Variants in FNBP1L observed in about 807,000 individuals in gnomAD.
The protein encoded by FNBP1L is formin-binding protein 1-like.
FNBP1L carries 36 observed loss-of-function variants against 91.2 expected under a neutral mutation model. The ratio of observed to expected loss-of-function variants is 0.39; its 90% confidence interval spans 0.30 to 0.52. The LOEUF is 0.52. FNBP1L is among the 20% of genes least tolerant of loss of function. The pLI is 0.66. For synonymous variants in FNBP1L, 242 were observed against 237.0 expected, an observed-to-expected ratio of 1.02 and a Z score of -0.19; for missense variants, 571 against 732.1, an observed-to-expected ratio of 0.78 and a Z score of 2.54.
chr1:93,537,790 C>CTGAGT (rs755564197), intron 10 of FNBP1L, among the ~76,000 whole-genome samples: 2 of 152,128 alleles, frequency 1.3e-5, no homozygotes, highest in Non-Finnish European at 2.9e-5. Flanking sequence ...TTTCTATTGC[C>CTGAGT]TGAGTTACAA....
chr1:93,538,454 G>A (rs1671917240), intron 10 of FNBP1L, among the ~76,000 whole-genome samples: 1 of 152,200 alleles, frequency 6.6e-6, no homozygotes, highest in East Asian at 1.9e-4. Context: ...TACCACTCCA[G>A]AGAAGAAAGC....
chr1:93,465,133 C>T (rs1310608552), intron 1 of FNBP1L, among the ~76,000 whole-genome samples: 3 of 149,092 alleles, frequency 2.0e-5, no homozygotes, highest in Non-Finnish European at 4.4e-5. Context: ...CTGTTTTGCT[C>T]TGAGAGAATG....
At chr1:93,507,780 C>A (rs181779485) in intron 2 of FNBP1L, among the ~76,000 whole-genome samples, 3 of 151,924 alleles carry the variant, frequency 2.0e-5, no homozygotes, top group African/African-American at 2.4e-5. Flanking sequence ...TCCCTAGTAG[C>A]GGGGATTATA....
chr1:93,498,830 A>G (rs755152240), intron 1 of FNBP1L, among the ~76,000 whole-genome samples: 1 of 152,170 alleles, frequency 6.6e-6, no homozygotes, highest in East Asian at 1.9e-4. Context: ...CCACAGTCCT[A>G]TTTAGGTGGG....
At chr1:93,536,859 T>TG (rs1387471781) in intron 10 of FNBP1L, among the ~76,000 whole-genome samples, 2 of 152,056 alleles carry the variant, frequency 1.3e-5, no homozygotes, top group African/African-American at 4.8e-5. Flanking sequence ...CACCTGCCAA[T>TG]TTTATAAAAT....
intron 2 of FNBP1L, among the ~76,000 whole-genome samples, chr1:93,513,916 C>G (rs1369941596): frequency 2.0e-5 from 3 of 152,090 alleles, no homozygotes; most frequent in African/African-American, 7.2e-5. Context: ...GAAGTTCTGG[C>G]CAGGGCAATT....
chr1:93,523,095 GTAT>G (rs1314570088), intron 3 of FNBP1L, among the ~76,000 whole-genome samples: 1 of 152,136 alleles, frequency 6.6e-6, no homozygotes, highest in Non-Finnish European at 1.5e-5. Context: ...CCTGCAGGTA[GTAT>G]TCTTATTATT....
chr1:93,472,673 G>A lies in FNBP1L; in HGVS notation c.24+24368G>A, dbSNP rs151315079. 9.3e-3 allele frequency among the ~76,000 whole-genome samples: 1,415 copies of A among 151,898 alleles called. 31 individuals carry two copies. Among genetic ancestry groups the A allele is most frequent in the East Asian group, 0.09 (465 of 5,172 alleles). On this transcript the variant is annotated intron_variant, in intron 1 of 16. Transcript: ENST00000271234. Reference sequence around the variant, plus strand: ...TAAAAATACAAAAAATTAGCCAGGCGTGTTGGCGGGCGCCTGTAGTTCCAG... The same window carrying A: ...TAAAAATACAAAAAATTAGCCAGGCATGTTGGCGGGCGCCTGTAGTTCCAG...
chr1:93,537,854 T>A, intron 10 of FNBP1L, among the ~76,000 whole-genome samples: 1 of 152,266 alleles, frequency 6.6e-6, no homozygotes, highest in South Asian at 2.1e-4. Flanking sequence ...TATTACTTAT[T>A]TTTAATTTAA....
chr1:93,486,773 A>G (rs893278524), intron 1 of FNBP1L, among the ~76,000 whole-genome samples: 7 of 152,290 alleles, frequency 4.6e-5, no homozygotes, highest in African/African-American at 1.7e-4. Context: ...CTGTTACTGT[A>G]ATTGAACTGC....
At chr1:93,459,979 T>TGTGTGTGTGTGTG (rs1557774013) in intron 1 of FNBP1L, among the ~76,000 whole-genome samples, 29 of 47,236 alleles carry the variant, frequency 6.1e-4, no homozygotes, top group Middle Eastern at 0.023. Context: ...GTGTGTGTGT[T>TGTGTGTGTGTGTG]TTTGGGATAT....
At position 93,536,463 on chromosome 1, in the gene FNBP1L, T is replaced by G; in HGVS notation, c.1122T>G (p.Ile374Met). The change falls in exon 10 of 17, where the codon ATT becomes ATG. Residue 374 changes from isoleucine to methionine, a missense_variant. By Grantham distance (10) the Ile-to-Met change is conservative. Around this residue, in one of 5 missense-constraint regions of FNBP1L, gnomAD observed 150 missense variants for 155.9 expected, o/e 0.96. Transcript: ENST00000271234. ...AAATAAAAACAGGGAAGCCCAGAATTCCTTCTTTCAGAAGCCTCAAAAGAG... is the reference window on the plus strand; with the variant it reads ...AAATAAAAACAGGGAAGCCCAGAATGCCTTCTTTCAGAAGCCTCAAAAGAG... ...MNEIKTGKPR[I>M]PSFRSLKRGW... 1 of 1,549,566 alleles carries G rather than the reference T, an allele frequency of 6.5e-7. No individual in the cohort carries two copies. Among genetic ancestry groups the G allele is most frequent in the Non-Finnish European group, 8.7e-7 (1 of 1,145,966 alleles).
Position 93,499,457 on chromosome 1 carries a change from T to G in FNBP1L, c.25-11T>G, listed in dbSNP as rs1005239309. The G allele has an allele frequency of 6.5e-7, 1 of 1,541,120 alleles. No individual in the cohort carries two copies. The highest frequency in any genetic ancestry group is 8.8e-7 in the Non-Finnish European group (1 of 1,133,026). ...GACTTTTGAAAATGCATTTTTATCT[T>G]CCTTTTCCAGGATCAGTTCGACAGC... On this transcript the variant is annotated splice_polypyrimidine_tract_variant and intron_variant, in intron 1 of 16. Transcript: ENST00000271234.
chr1:93,514,007 A>T (rs1198989550), intron 2 of FNBP1L, among the ~76,000 whole-genome samples: 4 of 152,036 alleles, frequency 2.6e-5, no homozygotes, highest in Non-Finnish European at 5.9e-5. Flanking sequence ...ACATGATTGT[A>T]TATCTAGAAA....
chr1:93,504,527 A>G (rs1027753670), intron 2 of FNBP1L, among the ~76,000 whole-genome samples: 7 of 152,164 alleles, frequency 4.6e-5, no homozygotes, highest in African/African-American at 1.4e-4. Flanking sequence ...CATAGTCTCT[A>G]TCTCATTTTA....
chr1:93,510,328 G>A lies in FNBP1L; in HGVS notation c.140+10745G>A, dbSNP rs531329625. On this transcript the variant is annotated intron_variant, in intron 2 of 16. Coordinates refer to ENST00000271234, the MANE Select transcript of FNBP1L (RefSeq NM_001164473.3). Reference sequence around the variant, plus strand: ...GACCCCCAAGCAGCCTAACTGGGAGGCACCCCCCAGCAGGGGCAGACTGAC... The same window carrying A: ...GACCCCCAAGCAGCCTAACTGGGAGACACCCCCCAGCAGGGGCAGACTGAC... 3.1e-3 allele frequency among the ~76,000 whole-genome samples: 471 copies of A among 152,284 alleles called. 3 individuals are homozygous for A. Among genetic ancestry groups the A allele is most frequent in the South Asian group, 0.014 (68 of 4,800 alleles).
intron 1 of FNBP1L, among the ~76,000 whole-genome samples, chr1:93,495,926 C>T (rs186016228): frequency 7.4e-4 from 112 of 152,242 alleles, no homozygotes; most frequent in African/African-American, 2.6e-3. Context: ...GTTGTAAAGT[C>T]AGTGTTTTAG....
chr1:93,473,145 AATT>A (rs1386087357), intron 1 of FNBP1L, among the ~76,000 whole-genome samples: 11 of 151,784 alleles, frequency 7.2e-5, no homozygotes, highest in African/African-American at 2.4e-4. Context: ...TCTCTTTTAT[AATT>A]ATTGTATCTT....
intron 8 of FNBP1L, 117 bp from the exon 9 acceptor site, chr1:93,534,588 G>A (rs1012114878): frequency 1.3e-5 from 8 of 610,536 alleles, no homozygotes; most frequent in Non-Finnish European, 2.2e-5. Flanking sequence ...AATGATTATT[G>A]TGGAATTATT....
Sources: allele counts gnomAD v4.1 joint callset (sites outside exome capture counted in the v4.1 genomes callset), GRCh38; gene constraint gnomAD v4.1.1; regional missense constraint gnomAD v4.1.1; transcripts MANE v1.5; gene names NCBI Gene and HGNC (gene_info 2026-07-23, HGNC 2026-07-21).